The following AGMO variants were observed in gnomAD, a reference collection of about 807,000 sequenced individuals.
AGMO encodes glyceryl-ether monooxygenase.
A neutral mutation model predicts 60.2 loss-of-function variants in AGMO; 75 were observed. That is an observed-to-expected ratio of 1.25 (90% CI 1.03 to 1.51). The LOEUF (loss-of-function observed/expected upper bound fraction) is 1.51, where lower values mean the gene tolerates loss of function less well. AGMO is among the 40% of genes most tolerant of loss of function. The probability of loss-of-function intolerance (pLI) is 0.00; values close to 1 mark genes in which losing one functional copy is unlikely to be tolerated. For synonymous variants in AGMO, 261 were observed against 177.1 expected (o/e 1.47, Z -3.76); for missense variants, 763 against 525.5 (o/e 1.45, Z -4.42).
At position 15,418,604 on chromosome 7, in the gene AGMO, A is replaced by G; in HGVS notation, c.563T>C (p.Val188Ala). The part of the protein sequence containing the change: ...ALFIPPSVYA[V>A]HLQFNLLYQF... ...GTAAAGAAGATTGAATTGAAGATGAACAGCATATACTGAAGGGGGTATGAA... is the reference window on the plus strand; with the variant it reads ...GTAAAGAAGATTGAATTGAAGATGAGCAGCATATACTGAAGGGGGTATGAA... The change falls in exon 5 of 13, where the codon GTT becomes GCT. Residue 188 changes from valine to alanine, a missense_variant. Val to Ala is a moderately conservative substitution (Grantham distance 64, BLOSUM62 0). Coordinates refer to ENST00000342526, the MANE Select transcript of AGMO (RefSeq NM_001004320.2). 1.3e-6 allele frequency: 2 copies of G among 1,585,398 alleles called. No individual in the cohort carries two copies. Among genetic ancestry groups the G allele is most frequent in the Non-Finnish European group, 8.5e-7 (1 of 1,170,430 alleles).
At chr7:15,333,404 G>GT (rs1314580160) in intron 12 of AGMO, among the ~76,000 whole-genome samples, 1 of 151,926 alleles carries the variant, frequency 6.6e-6, no homozygotes, top group Non-Finnish European at 1.5e-5. Flanking sequence ...GAAATAAAAT[G>GT]TGACTTTTAA....
At chr7:15,249,464 C>CT (rs1361833126) in intron 12 of AGMO, among the ~76,000 whole-genome samples, 1 of 152,082 alleles carries the variant, frequency 6.6e-6, no homozygotes, top group Non-Finnish European at 1.5e-5. Context: ...GTGTATGACA[C>CT]TTTAATTTGT....
At chr7:15,467,729 T>C (rs918984324) in intron 3 of AGMO, among the ~76,000 whole-genome samples, 2 of 152,206 alleles carry the variant, frequency 1.3e-5, no homozygotes, top group South Asian at 2.1e-4. Flanking sequence ...TCTCAGGCAG[T>C]TATGGGATTT....
At chr7:15,410,838 T>C (rs1780571460) in intron 5 of AGMO, among the ~76,000 whole-genome samples, 1 of 151,966 alleles carries the variant, frequency 6.6e-6, no homozygotes, top group African/African-American at 2.4e-5. Flanking sequence ...GTTCTTTACC[T>C]TCTTTGCCTT....
the AGMO span, among the ~76,000 whole-genome samples, chr7:15,125,200 A>G: frequency 2.0e-5 from 3 of 152,012 alleles, no homozygotes; most frequent in Non-Finnish European, 4.4e-5. Context: ...TCACTTTGAG[A>G]AGATATTTGA....
intron 12 of AGMO, among the ~76,000 whole-genome samples, chr7:15,316,032 A>T (rs1376980584): frequency 6.6e-6 from 1 of 152,130 alleles, no homozygotes; most frequent in Non-Finnish European, 1.5e-5. Flanking sequence ...ATCAAGCAGA[A>T]CAGCAGGCAC....
chr7:15,560,306 T>A (rs1382118696), intron 1 of AGMO, 35 bp from the exon 2 acceptor site: 2 of 1,586,934 alleles, frequency 1.3e-6, no homozygotes, highest in Non-Finnish European at 1.7e-6. Flanking sequence ...GATGCTATTA[T>A]GTTCCATATG....
intron 12 of AGMO, among the ~76,000 whole-genome samples, chr7:15,316,184 A>G (rs1780919192): frequency 2.0e-5 from 3 of 152,182 alleles, no homozygotes; most frequent in African/African-American, 7.2e-5. Context: ...AACAAAACAC[A>G]GTAATGGAGA....
chr7:15,407,966 G>T (rs1395905331), intron 5 of AGMO, among the ~76,000 whole-genome samples: 1 of 151,890 alleles, frequency 6.6e-6, no homozygotes, highest in South Asian at 2.1e-4. Context: ...CTACCAATAT[G>T]GAAATAGAAA....
intron 3 of AGMO, among the ~76,000 whole-genome samples, chr7:15,485,620 T>G (rs750763881): frequency 5.3e-5 from 8 of 152,104 alleles, no homozygotes; most frequent in Non-Finnish European, 1.2e-4. Context: ...ATTTCTCCCA[T>G]GTTTGCGGGG....
chr7:15,556,860 A>C (rs1293689203), intron 2 of AGMO, among the ~76,000 whole-genome samples: 1 of 152,066 alleles, frequency 6.6e-6, no homozygotes, highest in East Asian at 1.9e-4. Context: ...TTTTATAAGT[A>C]GGACTAGTAT....
At chr7:15,299,986 T>C (rs2128525622) in intron 12 of AGMO, among the ~76,000 whole-genome samples, 1 of 152,134 alleles carries the variant, frequency 6.6e-6, no homozygotes, top group Admixed American at 6.6e-5. Flanking sequence ...GGAAGAAAGC[T>C]GTGAATACTA....
At chr7:15,162,430 T>C in the AGMO span, among the ~76,000 whole-genome samples, 1 of 152,128 alleles carries the variant, frequency 6.6e-6, no homozygotes, top group Non-Finnish European at 1.5e-5. Flanking sequence ...TGGTAGTTCA[T>C]GCCTGTAATC....
intron 12 of AGMO, among the ~76,000 whole-genome samples, chr7:15,297,557 A>C (rs1444426305): frequency 2.6e-5 from 4 of 152,222 alleles, no homozygotes; most frequent in Non-Finnish European, 5.9e-5. Context: ...CAGAAAAGTT[A>C]GTGTTGCATT....
chr7:15,272,137 CTTTTT>C (rs140574892), intron 12 of AGMO, among the ~76,000 whole-genome samples: 1 of 151,024 alleles, frequency 6.6e-6, no homozygotes, highest in Non-Finnish European at 1.5e-5. Context: ...CCCTTTTTTT[CTTTTT>C]TTTATTATAC....
chr7:15,461,165 G>C (rs1040670729), intron 3 of AGMO, among the ~76,000 whole-genome samples: 1 of 151,968 alleles, frequency 6.6e-6, no homozygotes, highest in African/African-American at 2.4e-5. Flanking sequence ...TTGCTTCAAA[G>C]TAATTAGAAA....
At chr7:15,146,435 A>G in the AGMO span, among the ~76,000 whole-genome samples, 1 of 152,242 alleles carries the variant, frequency 6.6e-6, no homozygotes, top group East Asian at 1.9e-4. Flanking sequence ...AGGCTTAAAT[A>G]TTGTGTAACT....
At chr7:15,560,119 C>T (rs371907671) in intron 2 of AGMO, 22 bp downstream of exon 2, 192 of 1,583,766 alleles carry the variant, frequency 1.2e-4, no homozygotes, top group African/African-American at 6.5e-4. Context: ...TTATGCTCAG[C>T]GTTGTTGACC....
intron 12 of AGMO, among the ~76,000 whole-genome samples, chr7:15,359,601 C>T (rs1012571726): frequency 5.7e-4 from 86 of 152,162 alleles, no homozygotes; most frequent in African/African-American, 1.9e-3. Flanking sequence ...ATCTTTCATA[C>T]AACTCAGTTA....
Sources: gnomAD v4.1 joint callset for allele counts (sites outside exome capture counted in the v4.1 genomes callset) on GRCh38, gnomAD v4.1.1 for gene constraint, MANE v1.5 for transcripts, NCBI Gene and HGNC (gene_info 2026-07-23, HGNC 2026-07-21) for gene names.